Variants in GRHL2 observed in about 807,000 individuals in gnomAD.
The protein encoded by GRHL2 is grainyhead-like protein 2 homolog.
In GRHL2, 21 loss-of-function variants were observed where a neutral mutation model predicts 83.8. The ratio of observed to expected loss-of-function variants is 0.25; its 90% confidence interval spans 0.18 to 0.36. The LOEUF is 0.36. Ranked by LOEUF, GRHL2 falls within the 10% of genes least tolerant of loss-of-function variation. GRHL2 has a pLI of 1.00. For synonymous variants in GRHL2, 280 were observed against 278.9 expected (o/e 1.00, Z -0.04); for missense variants, 623 against 781.8 (o/e 0.80, Z 2.42).
rs971697916 is a variant in GRHL2, at chr8:101,613,292, A to G, written c.1099-6247A>G. On this transcript the variant is annotated intron_variant, in intron 8 of 15. Transcript: ENST00000646743. ...CCGCAGAATTGAGAGGAAAACATAA[A>G]TATTTTATCAGGAAGAAAGGAAGAA... Among the ~76,000 whole-genome samples, 9 of 151,150 alleles carry G rather than the reference A, an allele frequency of 6.0e-5. No individual in the cohort carries two copies. In the South Asian group the frequency reaches 1.4e-3, roughly 24 times the overall value.
chr8:101,513,681 GACAGGGGTTTC>G (rs1376063859), intron 1 of GRHL2, among the ~76,000 whole-genome samples: 2 of 151,782 alleles, frequency 1.3e-5, no homozygotes, highest in South Asian at 4.2e-4. Flanking sequence ...TTTTAGTAAA[GACAGGGGTTTC>G]ACCATGTTGG....
intron 11 of GRHL2, among the ~76,000 whole-genome samples, chr8:101,633,629 A>C (rs936865960): frequency 1.3e-5 from 2 of 152,346 alleles, no homozygotes; most frequent in Admixed American, 1.3e-4. Flanking sequence ...CTAAAAACCC[A>C]TTTAACATTT....
chr8:101,630,086 G>A (rs951226070), intron 9 of GRHL2, among the ~76,000 whole-genome samples: 1 of 152,066 alleles, frequency 6.6e-6, no homozygotes, highest in Non-Finnish European at 1.5e-5. Context: ...AAAATATTCA[G>A]CTATTTCAAT....
intron 9 of GRHL2, among the ~76,000 whole-genome samples, chr8:101,622,076 C>A (rs1339867391): frequency 6.6e-6 from 1 of 151,980 alleles, no homozygotes; most frequent in Non-Finnish European, 1.5e-5. Flanking sequence ...ATAACCAATA[C>A]AAAATAGTTA....
At position 101,504,804 on chromosome 8, in the gene GRHL2, T is replaced by C. The variant is rs766685755; in HGVS notation, c.20+12015T>C. ...GCTAGTTAAGCTGCAGGAGATTGCA[T>C]CATAGGATTTACTGCACGCGTCTTT... On this transcript the variant is annotated intron_variant, in intron 1 of 15. Coordinates refer to ENST00000646743, the MANE Select transcript of GRHL2 (RefSeq NM_024915.4). Among the ~76,000 whole-genome samples the C allele has an allele frequency of 1.6e-3, 241 of 151,904 alleles. 1 individual carries two copies. Among genetic ancestry groups the C allele is most frequent in the Non-Finnish European group, 1.5e-3 (102 of 67,954 alleles).
Position 101,570,414 on chromosome 8 carries a change from AT to A in GRHL2, c.734+21del. 6.3e-7 allele frequency: 1 copy of A among 1,594,172 alleles called. No individual in the cohort carries two copies. Among genetic ancestry groups the A allele is most frequent in the Non-Finnish European group, 8.6e-7 (1 of 1,161,780 alleles). The stretch of plus-strand genomic sequence containing the variant: ...ATCAAGGTGAGTTACCAGGAGATGC[AT>A]CCTTAGAAACTGATTAACTGATAAA... On this transcript the variant is annotated intron_variant, in intron 5 of 15. Coordinates refer to ENST00000646743, the MANE Select transcript of GRHL2 (RefSeq NM_024915.4).
chr8:101,647,539 C>G (rs865810651), intron 13 of GRHL2, among the ~76,000 whole-genome samples: 17 of 151,994 alleles, frequency 1.1e-4, no homozygotes, highest in African/African-American at 4.1e-4. Context: ...AATTATTTTT[C>G]CTTGTACCGC....
At chr8:101,623,844 A>T (rs1170006426) in intron 9 of GRHL2, among the ~76,000 whole-genome samples, 1 of 151,460 alleles carries the variant, frequency 6.6e-6, no homozygotes, top group Non-Finnish European at 1.5e-5. Context: ...ACACAGTAGG[A>T]CAGTTTACAA....
At chr8:101,601,693 T>A (rs777561086) in intron 8 of GRHL2, among the ~76,000 whole-genome samples, 6 of 152,248 alleles carry the variant, frequency 3.9e-5, no homozygotes, top group Non-Finnish European at 5.9e-5. Flanking sequence ...AATAATATTT[T>A]AAGTGATTAT....
chr8:101,652,523 T>G (rs1586173514), intron 14 of GRHL2, among the ~76,000 whole-genome samples: 1 of 49,788 alleles, frequency 2.0e-5, no homozygotes, highest in Non-Finnish European at 3.3e-5. Flanking sequence ...GTGTGTGTGG[T>G]GTGTGTGTGG....
intron 2 of GRHL2, among the ~76,000 whole-genome samples, chr8:101,545,230 G>T (rs1811235611): frequency 6.6e-6 from 1 of 152,060 alleles, no homozygotes; most frequent in Non-Finnish European, 1.5e-5. Flanking sequence ...GCTTTCTCCA[G>T]TCTAGGCTGA....
chr8:101,549,470 A>G (rs991225859), intron 2 of GRHL2, among the ~76,000 whole-genome samples: 1 of 152,174 alleles, frequency 6.6e-6, no homozygotes, highest in Non-Finnish European at 1.5e-5. Context: ...TCAGCAGCCC[A>G]AGCAAGGGAC....
intron 15 of GRHL2, among the ~76,000 whole-genome samples, chr8:101,665,566 CAGTG>C (rs1814032227): frequency 1.3e-5 from 2 of 152,272 alleles, no homozygotes; most frequent in African/African-American, 2.4e-5. Flanking sequence ...GTATTACTGA[CAGTG>C]AGATTTCAGT....
chr8:101,543,217 C>A, intron 1 of GRHL2, 24 bp from the exon 2 acceptor site: 1 of 1,599,388 alleles, frequency 6.3e-7, no homozygotes, highest in Non-Finnish European at 8.6e-7. Flanking sequence ...GAAAATGAAC[C>A]TCACATTTCT....
In GRHL2 at chr8:101,492,672, G is replaced by T; in HGVS notation, c.-98G>T. On this transcript the variant is annotated 5_prime_UTR_variant, in exon 1 of 16. Coordinates refer to ENST00000646743, the MANE Select transcript of GRHL2 (RefSeq NM_024915.4). ...CCTGTAGCTCTTGTTCTGCCATCTC[G>T]GGCGCTCTCACACACCTTCACCTGC... is the stretch of plus-strand genomic sequence containing the variant. The T allele has an allele frequency of 1.0e-6, 1 of 962,574 alleles. No homozygotes were observed. Among genetic ancestry groups the T allele is most frequent in the South Asian group, 1.3e-5 (1 of 78,144 alleles). 59.6% of individuals were successfully genotyped at this position (962,574 alleles called of 1,614,324 possible). A position where few individuals can be genotyped will look rare whatever the true frequency, so the allele number is the denominator to read the frequency against.
At chr8:101,581,707 A>G (rs1812056369) in intron 7 of GRHL2, among the ~76,000 whole-genome samples, 1 of 152,276 alleles carries the variant, frequency 6.6e-6, no homozygotes, top group Admixed American at 6.5e-5. Flanking sequence ...TTTGTTAGGC[A>G]CTGGCAATAC....
intron 12 of GRHL2, among the ~76,000 whole-genome samples, chr8:101,637,252 G>A (rs1264503626): frequency 6.6e-6 from 1 of 152,018 alleles, no homozygotes; most frequent in Non-Finnish European, 1.5e-5. Context: ...AATCTTCTCA[G>A]TAGTCCTTCT....
chr8:101,661,033 C>G (rs1489505085), intron 14 of GRHL2, among the ~76,000 whole-genome samples: 1 of 152,226 alleles, frequency 6.6e-6, no homozygotes, highest in African/African-American at 2.4e-5. Context: ...ATGTGCCGAG[C>G]TTGTCCAACC....
At chr8:101,585,324 T>A (rs1228947148) in intron 7 of GRHL2, among the ~76,000 whole-genome samples, 1 of 152,256 alleles carries the variant, frequency 6.6e-6, no homozygotes, top group Non-Finnish European at 1.5e-5. Context: ...GATTTCATTT[T>A]TTGATGTTTT....
Sources: allele counts gnomAD v4.1 joint callset (sites outside exome capture counted in the v4.1 genomes callset), GRCh38; gene constraint gnomAD v4.1.1; transcripts MANE v1.5; gene names NCBI Gene and HGNC (gene_info 2026-07-23, HGNC 2026-07-21).